The following RIMS1 variants were observed in gnomAD, a reference collection of about 807,000 sequenced individuals.
RIMS1 encodes the protein regulating synaptic membrane exocytosis protein 1.
RIMS1 carries 83 observed loss-of-function variants against 214.1 expected under a neutral mutation model. That is an observed-to-expected ratio of 0.39 (90% CI 0.32 to 0.47). The LOEUF is 0.47. RIMS1 is among the 20% of genes least tolerant of loss of function. The probability of loss-of-function intolerance (pLI) is 0.99; values close to 1 mark genes in which losing one functional copy is unlikely to be tolerated. For missense variants in RIMS1, 2,050 were observed against 2,161.8 expected (o/e 0.95, Z 1.03); for synonymous variants, 793 against 786.8 (o/e 1.01, Z -0.13).
chr6:72,343,662 G>T, intron 29 of RIMS1, among the ~76,000 whole-genome samples: 1 of 149,528 alleles, frequency 6.7e-6, no homozygotes, highest in African/African-American at 2.5e-5. Context: ...TTTTGCTTTG[G>T]CAATTTATTT....
intron 11 of RIMS1, among the ~76,000 whole-genome samples, chr6:72,246,641 C>T (rs2069904991): frequency 1.3e-5 from 2 of 152,166 alleles, no homozygotes; most frequent in South Asian, 4.2e-4. Flanking sequence ...GTAGGATAAA[C>T]AAGGAAACAG....
Position 72,182,494 on chromosome 6 carries a change from T to A in RIMS1, c.1023T>A (p.Asp341Glu). The A allele has an allele frequency of 6.2e-7, 1 of 1,607,502 alleles. No homozygotes were observed. Among genetic ancestry groups the A allele is most frequent in the African/African-American group, 1.3e-5 (1 of 74,850 alleles). ...PEKRDEGKAA[D>E]EEKQRKEEDY... ...AACGGGATGAGGGCAAAGCGGCGGATGAGGAAAAGCAAAGAAAAGAGGAGG... is the reference window on the plus strand; with the variant it reads ...AACGGGATGAGGGCAAAGCGGCGGAAGAGGAAAAGCAAAGAAAAGAGGAGG... The change falls in exon 6 of 34, where the codon GAT (aspartate) becomes GAA (glutamate). Residue 341 changes from aspartate to glutamate, a missense_variant. Asp to Glu is a conservative substitution (Grantham distance 45, BLOSUM62 2). Coordinates refer to ENST00000521978, the MANE Select transcript of RIMS1 (RefSeq NM_014989.7).
At chr6:72,312,516 A>G (rs952847899) in intron 27 of RIMS1, among the ~76,000 whole-genome samples, 2 of 152,134 alleles carry the variant, frequency 1.3e-5, no homozygotes, top group African/African-American at 4.8e-5. Context: ...AACTGCTTTG[A>G]CAGCTTTGCA....
intron 1 of RIMS1, among the ~76,000 whole-genome samples, chr6:71,953,284 C>T (rs904672229): frequency 6.6e-6 from 1 of 152,096 alleles, no homozygotes; most frequent in African/African-American, 2.4e-5. Flanking sequence ...CCACCTCGCC[C>T]GGTCAAGGAG....
At chr6:72,228,984 T>C (rs899541039) in intron 6 of RIMS1, among the ~76,000 whole-genome samples, 2 of 151,796 alleles carry the variant, frequency 1.3e-5, no homozygotes, top group African/African-American at 2.4e-5. Flanking sequence ...TAGAAAACAA[T>C]AGCGCTAACA....
chr6:71,906,225 G>A (rs1337154271), intron 1 of RIMS1, among the ~76,000 whole-genome samples: 2 of 152,148 alleles, frequency 1.3e-5, no homozygotes, highest in Non-Finnish European at 2.9e-5. Context: ...GTTATTTTAA[G>A]TCTAATATGT....
At chr6:72,027,511 A>G (rs953610220) in intron 2 of RIMS1, among the ~76,000 whole-genome samples, 7 of 152,162 alleles carry the variant, frequency 4.6e-5, no homozygotes, top group Admixed American at 4.6e-4. Flanking sequence ...TTTGCTGATA[A>G]CAATCTAATA....
At chr6:72,358,043 T>A (rs1408526773) in intron 29 of RIMS1, among the ~76,000 whole-genome samples, 2 of 126,142 alleles carry the variant, frequency 1.6e-5, no homozygotes, top group African/African-American at 2.6e-5. Flanking sequence ...TAGGAAACAA[T>A]TCATTTTAAA....
At chr6:72,175,290 T>C in intron 4 of RIMS1, 1 of 221,486 alleles carries the variant, frequency 4.5e-6, no homozygotes. Context: ...ACAATCTCTT[T>C]TTCTAAACCT....
intron 2 of RIMS1, among the ~76,000 whole-genome samples, chr6:72,084,246 A>G (rs975435260): frequency 2.0e-5 from 3 of 152,206 alleles, no homozygotes; most frequent in South Asian, 2.1e-4. Context: ...TCAGTTGATT[A>G]CATATCTGTT....
chr6:72,106,136 T>C lies in RIMS1; in HGVS notation c.471+6150T>C, dbSNP rs929333156. Among the ~76,000 whole-genome samples, 4 of 152,186 alleles carry C rather than the reference T, an allele frequency of 2.6e-5. No individual in the cohort carries two copies. The East Asian group carries it at 7.7e-4, about 29-fold the overall frequency. On this transcript the variant is annotated intron_variant, in intron 4 of 33. Coordinates refer to ENST00000521978, the MANE Select transcript of RIMS1 (RefSeq NM_014989.7). ...CCGATTTATTTTGTTTTTGTATGTATATATGCAATAGTTTTTTCATATGTA... is the reference window on the plus strand; with the variant it reads ...CCGATTTATTTTGTTTTTGTATGTACATATGCAATAGTTTTTTCATATGTA...
At chr6:72,248,625 C>G (rs1185937630) in intron 12 of RIMS1, among the ~76,000 whole-genome samples, 1 of 152,054 alleles carries the variant, frequency 6.6e-6, no homozygotes, top group African/African-American at 2.4e-5. Flanking sequence ...TCTGGGGAAA[C>G]CTGGAGTGAA....
intron 19 of RIMS1, among the ~76,000 whole-genome samples, chr6:72,264,200 A>T (rs1180657857): frequency 6.6e-6 from 1 of 152,102 alleles, no homozygotes; most frequent in Admixed American, 6.6e-5. Context: ...CATAATTAGT[A>T]ATTAAATTTA....
At chr6:72,343,717 G>A (rs551992352) in intron 29 of RIMS1, among the ~76,000 whole-genome samples, 1 of 151,412 alleles carries the variant, frequency 6.6e-6, no homozygotes, top group East Asian at 2.0e-4. Context: ...GGGAATGAAA[G>A]ACTTCAGGAG....
At chr6:72,331,641 T>G (rs1399188943) in intron 28 of RIMS1, among the ~76,000 whole-genome samples, 1 of 151,774 alleles carries the variant, frequency 6.6e-6, no homozygotes, top group Non-Finnish European at 1.5e-5. Context: ...ATAATACTTA[T>G]CAGGAAAGAA....
intron 22 of RIMS1, among the ~76,000 whole-genome samples, chr6:72,267,181 T>C (rs2080994394): frequency 6.6e-6 from 1 of 152,166 alleles, no homozygotes; most frequent in Non-Finnish European, 1.5e-5. Context: ...GAAAGGACTA[T>C]AGAGTCTCTA....
chr6:72,197,676 A>G (rs1478326425), intron 6 of RIMS1, among the ~76,000 whole-genome samples: 1 of 152,104 alleles, frequency 6.6e-6, no homozygotes, highest in African/African-American at 2.4e-5. Flanking sequence ...GCCTACAGGT[A>G]TGGTATCTGG....
At chr6:72,320,014 AAT>A (rs2096060187) in intron 28 of RIMS1, among the ~76,000 whole-genome samples, 1 of 152,102 alleles carries the variant, frequency 6.6e-6, no homozygotes, top group African/African-American at 2.4e-5. Context: ...GTCATCCTTG[AAT>A]GTCTTCTGAG....
In RIMS1 at chr6:71,989,726, G is replaced by A. The variant is rs754794397; in HGVS notation, c.245+20663G>A. Among the ~76,000 whole-genome samples the A allele has an allele frequency of 1.1e-4, 16 of 152,124 alleles. 1 individual carries two copies. The highest frequency in any genetic ancestry group is 2.6e-4 in the Admixed American group (4 of 15,262). ...GAGCATCTGCTACGTACCAGGTACC[G>A]TGCTAGCAACCAGGAATAGAACAGT... On this transcript the variant is annotated intron_variant, in intron 2 of 33. Transcript: ENST00000521978.
Sources: allele counts gnomAD v4.1 joint callset (sites outside exome capture counted in the v4.1 genomes callset), GRCh38; gene constraint gnomAD v4.1.1; transcripts MANE v1.5; gene names NCBI Gene and HGNC (gene_info 2026-07-23, HGNC 2026-07-21).